The following LGALS14 variants were observed in gnomAD, a reference collection of about 807,000 sequenced individuals.
The protein encoded by LGALS14 is galectin 14, also known as placental protein 13-like.
Under a neutral mutation model 14.6 loss-of-function variants are expected in LGALS14, and 14 were observed. The observed-to-expected ratio is 0.96, with a 90% confidence interval of 0.64 to 1.50. The LOEUF (loss-of-function observed/expected upper bound fraction) is 1.50, where lower values mean the gene tolerates loss of function less well. Among genes scored for constraint, LGALS14 ranks in the 40% most tolerant of loss-of-function variants. The pLI, the probability that LGALS14 is intolerant of heterozygous loss-of-function variation, is 0.00. For missense variants in LGALS14, 180 were observed against 172.0 expected (o/e 1.05, Z -0.26); for synonymous variants, 57 against 63.9 (o/e 0.89, Z 0.51).
At chr19:39,707,425 T>A (rs1187891774) in intron 3 of LGALS14, 37 bp downstream of exon 3, 2 of 1,562,008 alleles carry the variant, frequency 1.3e-6, no homozygotes, top group East Asian at 2.2e-5. Context: ...TGGAGCTCTG[T>A]GGGCTCTTAG....
chr19:39,704,670 T>G (rs746009205), intron 1 of LGALS14, 127 bp downstream of exon 1: 10 of 866,394 alleles, frequency 1.2e-5, no homozygotes, highest in Non-Finnish European at 1.5e-5. Context: ...GTTGTGGGTG[T>G]GTAGAAGAGA....
chr19:39,706,553 A>T, intron 1 of LGALS14, 44 bp from the exon 2 acceptor site: 1 of 1,442,890 alleles, frequency 6.9e-7, no homozygotes, highest in Non-Finnish European at 9.8e-7. Flanking sequence ...AGGGGAGGTT[A>T]CACCTTACCC....
intron 2 of LGALS14, 60 bp downstream of exon 2, chr19:39,706,733 G>A: frequency 7.3e-7 from 1 of 1,376,186 alleles, no homozygotes; most frequent in Non-Finnish European, 1.0e-6. Flanking sequence ...ATTTGCTAAG[G>A]GTTTAACCTT....
At chr19:39,708,781 A>G (rs913955868) in intron 3 of LGALS14, among the ~76,000 whole-genome samples, 2 of 152,202 alleles carry the variant, frequency 1.3e-5, no homozygotes, top group South Asian at 2.1e-4. Context: ...GAACTGTGCC[A>G]TCAGTAGTGA....
At chr19:39,706,210 T>G (rs1600834970) in intron 1 of LGALS14, among the ~76,000 whole-genome samples, 1 of 152,174 alleles carries the variant, frequency 6.6e-6, no homozygotes, top group African/African-American at 2.4e-5. Context: ...TAATTGACCC[T>G]ATACATGCCA....
chr19:39,707,079 T>C (rs1348514989), intron 2 of LGALS14, 99 bp from the exon 3 acceptor site: 16 of 937,650 alleles, frequency 1.7e-5, no homozygotes, highest in Middle Eastern at 3.1e-4. Context: ...GGGGAGACTT[T>C]TTGCCCTGGG....
intron 1 of LGALS14, chr19:39,705,764 C>T (rs1480160484): frequency 4.5e-6 from 4 of 891,180 alleles, no homozygotes; most frequent in East Asian, 2.7e-5. Flanking sequence ...AGGATCACTG[C>T]AGTCCAGGAG....
At chr19:39,704,603 G>A in intron 1 of LGALS14, 60 bp downstream of exon 1, 3 of 1,561,498 alleles carry the variant, frequency 1.9e-6, no homozygotes, top group Non-Finnish European at 2.6e-6. Context: ...GAAAGAAACA[G>A]GGGAGGTTTT....
Position 39,707,330 on chromosome 19 carries a change from C to A in LGALS14, c.245C>A (p.Pro82His). The change falls in exon 3 of 4, where the codon CCC becomes CAC. Residue 82 changes from proline (P) to histidine (H), a missense_variant. Physicochemically the swap from Pro to His is moderately conservative, Grantham distance 77. Transcript: ENST00000392052. ...WRYEEKCYYL[P>H]FEDGKPFELC... Reference sequence around the variant, plus strand: ...TATGAGGAGAAATGCTACTATTTACCCTTTGAAGATGGCAAACCATTTGAG... The same window carrying A: ...TATGAGGAGAAATGCTACTATTTACACTTTGAAGATGGCAAACCATTTGAG... The A allele has an allele frequency of 6.2e-7, 1 of 1,614,068 alleles. No homozygotes were observed. Among genetic ancestry groups the A allele is most frequent in the Non-Finnish European group, 8.5e-7 (1 of 1,179,952 alleles).
At chr19:39,706,220 A>C (rs185132493) in intron 1 of LGALS14, among the ~76,000 whole-genome samples, 12 of 152,272 alleles carry the variant, frequency 7.9e-5, no homozygotes, top group African/African-American at 2.9e-4. Context: ...TATACATGCC[A>C]GGGATTAGGG....
intron 3 of LGALS14, among the ~76,000 whole-genome samples, chr19:39,707,727 A>G (rs1973737404): frequency 6.6e-6 from 1 of 152,196 alleles, no homozygotes; most frequent in Non-Finnish European, 1.5e-5. Context: ...TAATCATTCA[A>G]AAATTATGTT....
At position 39,708,266 on chromosome 19, in the gene LGALS14, C is replaced by T. The variant is rs73557877; in HGVS notation, c.303+878C>T. Reference sequence around the variant, plus strand: ...ATATCTTGAAGACATTATCAATCCACGGTGCCGCTTCAGTTTTTAAAGATT... The same window carrying T: ...ATATCTTGAAGACATTATCAATCCATGGTGCCGCTTCAGTTTTTAAAGATT... On this transcript the variant is annotated intron_variant, in intron 3 of 3. Coordinates refer to ENST00000392052, the MANE Select transcript of LGALS14 (RefSeq NM_020129.3). Among the ~76,000 whole-genome samples the T allele has an allele frequency of 9.6e-3, 1,467 of 152,250 alleles. 25 individuals are homozygous for T. Among genetic ancestry groups the T allele is most frequent in the African/African-American group, 0.032 (1,337 of 41,544 alleles).
intron 2 of LGALS14, among the ~76,000 whole-genome samples, chr19:39,706,899 T>C (rs11667514): frequency 0.012 from 1,751 of 152,148 alleles, 22 homozygotes; most frequent in Non-Finnish European, 0.02. Flanking sequence ...TGGGTTTGGG[T>C]TGTGGCTCTT....
At chr19:39,705,789 G>A in intron 1 of LGALS14, 1 of 1,219,768 alleles carries the variant, frequency 8.2e-7, no homozygotes. Flanking sequence ...ATGTTTCAGT[G>A]AGCTGTGATT....
chr19:39,708,535 C>T (rs1973752033), intron 3 of LGALS14, among the ~76,000 whole-genome samples: 1 of 152,194 alleles, frequency 6.6e-6, no homozygotes, highest in African/African-American at 2.4e-5. Context: ...GTGACTTTCT[C>T]TATAGCCTCG....
Position 39,707,285 on chromosome 19 carries a change from G to A in LGALS14, c.200G>A (p.Cys67Tyr), listed in dbSNP as rs757265795. 9.5e-5 allele frequency: 154 copies of A among 1,613,960 alleles called. 2 individuals are homozygous for A. Among genetic ancestry groups the A allele is most frequent in the Middle Eastern group, 3.3e-4 (2 of 6,082 alleles). Residue 67 changes from cysteine (C) to tyrosine (Y), a missense_variant, in exon 3 of 4, where the codon TGT becomes TAT. Transcript: ENST00000392052. Reference sequence around the variant, plus strand: ...GGTCATCCTGCAATCATGAACAGTTGTGTGTTTGGCATATGGAGATATGAG... The same window carrying A: ...GGTCATCCTGCAATCATGAACAGTTATGTGTTTGGCATATGGAGATATGAG... ...HFGHPAIMNS[C>Y]VFGIWRYEEK...
rs201217160 is a variant in LGALS14 at position 39,707,156 on chromosome 19, A to G, written c.93-22A>G. ...TGCACAATGGGGGGACCTGCCCAAC[A>G]TGCTGTGTGCTTTGACCTCAGCAAG... On this transcript the variant is annotated intron_variant, in intron 2 of 3. Transcript: ENST00000392052. 250 of 1,580,266 alleles carry G rather than the reference A, an allele frequency of 1.6e-4. No homozygotes were observed. The East Asian group carries it at 5.5e-3, about 35-fold the overall frequency.
At chr19:39,705,053 T>C (rs936428359) in intron 1 of LGALS14, among the ~76,000 whole-genome samples, 11 of 152,226 alleles carry the variant, frequency 7.2e-5, no homozygotes, top group African/African-American at 2.2e-4. Context: ...TGGCCTTCTG[T>C]GCATGTGAAG....
At chr19:39,706,541 A>G in intron 1 of LGALS14, 56 bp from the exon 2 acceptor site, 7 of 1,277,016 alleles carry the variant, frequency 5.5e-6, no homozygotes, top group Non-Finnish European at 6.8e-6. Flanking sequence ...AATCTGTTAC[A>G]TAGGGGAGGT....
Sources: gnomAD v4.1 joint callset for allele counts (sites outside exome capture counted in the v4.1 genomes callset) on GRCh38, gnomAD v4.1.1 for gene constraint, MANE v1.5 for transcripts, NCBI Gene and HGNC (gene_info 2026-07-23, HGNC 2026-07-21) for gene names.